Variants in FRMPD4 observed in about 807,000 individuals in gnomAD.
The protein encoded by FRMPD4 is FERM and PDZ domain containing 4.
In FRMPD4, 22 loss-of-function variants were observed where a neutral mutation model predicts 94.1. That is an observed-to-expected ratio of 0.23 (90% CI 0.17 to 0.33). FRMPD4 has a LOEUF of 0.33. Among genes scored for constraint, FRMPD4 ranks in the 10% least tolerant of loss-of-function variants. The pLI is 1.00. For missense variants in FRMPD4, 1,111 were observed against 1,339.9 expected (o/e 0.83, Z 2.67); for synonymous variants, 631 against 548.6 (o/e 1.15, Z -2.10).
chrX:12,425,278 T>C (rs754723440), intron 1 of FRMPD4, among the ~76,000 whole-genome samples: 153 of 112,157 alleles, frequency 1.4e-3, no homozygotes, highest in Middle Eastern at 4.6e-3. Flanking sequence ...TCAGAACAAT[T>C]TTGAAAGTTA....
rs777792668 is a variant in FRMPD4, at chrX:12,537,592, A to G, written c.158+38796A>G. Among the ~76,000 whole-genome samples the G allele has an allele frequency of 6.2e-3, 655 of 106,116 alleles. 11 individuals carry two copies. Among genetic ancestry groups the G allele is most frequent in the Middle Eastern group, 9.6e-3 (2 of 209 alleles). The allele number at this position is 106,116 out of a possible 115,157, so 92.1% of individuals were successfully genotyped here. ...TTCAGCCTCTGGAGTATCTGGGACT[A>G]CATGTGCATGCCACCCGCCTGGCTT... On this transcript the variant is annotated intron_variant, in intron 2 of 16. Coordinates refer to ENST00000675598, the MANE Select transcript of FRMPD4 (RefSeq NM_001368397.1).
chrX:12,508,772 T>A (rs1462644790), intron 2 of FRMPD4, among the ~76,000 whole-genome samples: 2 of 110,256 alleles, frequency 1.8e-5, no homozygotes, highest in Non-Finnish European at 3.8e-5. Flanking sequence ...GGCGGGCAGA[T>A]CATGAGGTCA....
chrX:12,331,730 TAA>T (rs1491456881), intron 1 of FRMPD4, among the ~76,000 whole-genome samples: 5 of 60,493 alleles, frequency 8.3e-5, no homozygotes, highest in Non-Finnish European at 1.3e-4. Context: ...ATATAGTATA[TAA>T]ATATATAATT....
chrX:12,303,133 C>T (rs191004575), intron 1 of FRMPD4, among the ~76,000 whole-genome samples: 8 of 111,887 alleles, frequency 7.2e-5, no homozygotes, highest in African/African-American at 2.6e-4. Context: ...CAGCCCACTG[C>T]CAAGGACTAA....
chrX:12,462,724 CA>C (rs2057402464), intron 1 of FRMPD4, among the ~76,000 whole-genome samples: 1 of 112,393 alleles, frequency 8.9e-6, no homozygotes, highest in South Asian at 3.7e-4. Flanking sequence ...TGTGGTGGTT[CA>C]CACCTGTATT....
At chrX:12,153,067 G>A (rs1044009006) in intron 1 of FRMPD4, among the ~76,000 whole-genome samples, 23 of 109,259 alleles carry the variant, frequency 2.1e-4, no homozygotes, top group African/African-American at 7.7e-4. Context: ...CCGAGTAGAT[G>A]GGACTACAGG....
chrX:12,067,028 C>A (rs185070696), intron 3 of FRMPD4, among the ~76,000 whole-genome samples: 77 of 109,770 alleles, frequency 7.0e-4, no homozygotes, highest in African/African-American at 2.5e-3. Flanking sequence ...CACCACCATG[C>A]CCAGCTAGTT....
intron 1 of FRMPD4, among the ~76,000 whole-genome samples, chrX:12,222,189 A>G (rs1201720471): frequency 9.0e-6 from 1 of 111,597 alleles, no homozygotes; most frequent in African/African-American, 3.3e-5. Flanking sequence ...AAAAGGAAAG[A>G]AAATAAATAT....
At chrX:12,574,123 C>T (rs1444933834) in intron 2 of FRMPD4, among the ~76,000 whole-genome samples, 2 of 111,826 alleles carry the variant, frequency 1.8e-5, no homozygotes, top group African/African-American at 6.5e-5. Context: ...GCCTCAGCCT[C>T]CTGAGTAGCT....
At chrX:12,346,278 G>GA (rs36067490) in intron 1 of FRMPD4, among the ~76,000 whole-genome samples, 22,130 of 100,120 alleles carry the variant, frequency 0.22, 2,094 homozygotes, top group African/African-American at 0.31. Context: ...TGTTTTGCAG[G>GA]AAAAAAAAAA....
At chrX:12,717,418 T>C in intron 15 of FRMPD4, 83 bp from the exon 16 acceptor site, 1 of 658,167 alleles carries the variant, frequency 1.5e-6, no homozygotes, top group Non-Finnish European at 2.4e-6. Flanking sequence ...TTTGTTTTAG[T>C]AATAACGAGT....
intron 3 of FRMPD4, among the ~76,000 whole-genome samples, chrX:12,106,378 G>T (rs1262162740): frequency 8.9e-6 from 1 of 111,757 alleles, no homozygotes; most frequent in Non-Finnish European, 1.9e-5. Flanking sequence ...CAATTTTTAG[G>T]AGCCATATCC....
intron 1 of FRMPD4, among the ~76,000 whole-genome samples, chrX:11,835,694 C>T (rs1212883212): frequency 8.9e-6 from 1 of 111,827 alleles, no homozygotes; most frequent in African/African-American, 3.2e-5. Context: ...CCTCTCTTCC[C>T]TTTCAACCAT....
intron 2 of FRMPD4, among the ~76,000 whole-genome samples, chrX:12,524,519 TATG>T (rs971664778): frequency 3.6e-5 from 4 of 111,302 alleles, no homozygotes; most frequent in Admixed American, 9.5e-5. Context: ...TCACCATTAA[TATG>T]ATGATGATGA....
At chrX:12,277,083 T>C (rs1287348087) in intron 1 of FRMPD4, among the ~76,000 whole-genome samples, 1 of 93,842 alleles carries the variant, frequency 1.1e-5, no homozygotes, top group Non-Finnish European at 2.1e-5. Flanking sequence ...ATCCCGCCAC[T>C]GCACTCCAGC....
At position 11,850,593 on chromosome X, in the gene FRMPD4, T is replaced by C. The variant is rs940620213; in HGVS notation, c.-160-14493T>C. Among the ~76,000 whole-genome samples, 6 of 112,447 alleles carry C rather than the reference T, an allele frequency of 5.3e-5. No homozygotes were observed. In the Admixed American group the frequency reaches 5.7e-4, roughly 11 times the overall value. On this transcript the variant is annotated intron_variant, in intron 1 of 18. Transcript: ENST00000640291. Reference sequence around the variant, plus strand: ...GAACAGATAAACAAGATATGGTGTATACATACAGTGGATTATTATTCAGTC... The same window carrying C: ...GAACAGATAAACAAGATATGGTGTACACATACAGTGGATTATTATTCAGTC...
At chrX:11,827,409 C>T (rs1296226268) in intron 1 of FRMPD4, among the ~76,000 whole-genome samples, 1 of 109,539 alleles carries the variant, frequency 9.1e-6, no homozygotes. Flanking sequence ...ATAAGAAAAC[C>T]GAGTCATTTC....
chrX:12,184,501 G>A (rs190625820), intron 1 of FRMPD4, among the ~76,000 whole-genome samples: 2 of 112,091 alleles, frequency 1.8e-5, no homozygotes, highest in Non-Finnish European at 3.8e-5. Flanking sequence ...AAATGACAAT[G>A]AGATTTCTGC....
intron 2 of FRMPD4, among the ~76,000 whole-genome samples, chrX:12,518,275 A>G (rs762149065): frequency 1.4e-4 from 16 of 112,016 alleles, no homozygotes; most frequent in African/African-American, 5.2e-4. Context: ...CTGCACAGCT[A>G]TGTGCTTGGG....
Sources: gnomAD v4.1 joint callset for allele counts (sites outside exome capture counted in the v4.1 genomes callset) on GRCh38, gnomAD v4.1.1 for gene constraint, MANE v1.5 for transcripts, NCBI Gene and HGNC (gene_info 2026-07-23, HGNC 2026-07-21) for gene names.